GOT1: variants seen among roughly 807,000 people sequenced by gnomAD.
GOT1 encodes the protein glutamic-oxaloacetic transaminase 1.
GOT1 carries 25 observed loss-of-function variants against 48.2 expected under a neutral mutation model. The observed-to-expected ratio is 0.52, with a 90% CI of 0.38 to 0.72. The LOEUF is 0.72. GOT1 is among the 30% of genes least tolerant of loss of function. The pLI is 0.00. For missense variants in GOT1, 380 were observed against 520.1 expected (o/e 0.73, Z 2.62); for synonymous variants, 188 against 193.8 (o/e 0.97, Z 0.25).
In GOT1 at chr10:99,413,336, A is replaced by G. The variant is rs529377588; in HGVS notation, c.301-6487T>C. On this transcript the variant is annotated intron_variant, in intron 2 of 8. Coordinates refer to ENST00000370508, the MANE Select transcript of GOT1 (RefSeq NM_002079.3). ...GATTCGATCAACTGGAAGAAAGGGTATCAGTGATGGAAGATCAAATGAATG... is the reference window on the plus strand; with the variant it reads ...GATTCGATCAACTGGAAGAAAGGGTGTCAGTGATGGAAGATCAAATGAATG... 1.4e-4 allele frequency among the ~76,000 whole-genome samples: 22 copies of G among 152,372 alleles called. No individual in the cohort carries two copies. In the South Asian group the frequency reaches 4.1e-3, roughly 29 times the overall value.
intron 2 of GOT1, among the ~76,000 whole-genome samples, chr10:99,407,238 T>A (rs984759956): frequency 6.6e-6 from 1 of 152,096 alleles, no homozygotes; most frequent in Non-Finnish European, 1.5e-5. Context: ...GGCAAACCCA[T>A]CTCTTCAGCA....
intron 1 of GOT1, among the ~76,000 whole-genome samples, chr10:99,429,981 A>AT (rs2033094511): frequency 6.6e-6 from 1 of 152,304 alleles, no homozygotes; most frequent in South Asian, 2.1e-4. Context: ...ACAAAGCTTA[A>AT]TAAGGTGGCT....
chr10:99,417,304 A>T (rs1356914799), intron 2 of GOT1, among the ~76,000 whole-genome samples: 2 of 152,242 alleles, frequency 1.3e-5, no homozygotes, highest in Non-Finnish European at 2.9e-5. Context: ...GAAGACATTT[A>T]TGCAGCCAAC....
At chr10:99,406,925 A>AGCACTT in intron 2 of GOT1, 76 bp from the exon 3 acceptor site, 5 of 1,395,208 alleles carry the variant, frequency 3.6e-6, no homozygotes, top group Non-Finnish European at 5.1e-6. Context: ...GGTAATAATG[A>AGCACTT]GCACTTACTC....
chr10:99,413,288 C>T (rs1055184683), intron 2 of GOT1, among the ~76,000 whole-genome samples: 3 of 151,996 alleles, frequency 2.0e-5, no homozygotes, highest in Non-Finnish European at 2.9e-5. Flanking sequence ...AACTACATGA[C>T]GAATGCACAA....
chr10:99,403,515 G>C lies in GOT1; in HGVS notation c.913C>G (p.Arg305Gly), dbSNP rs373027330. The part of the protein sequence containing the change: ...TWSNPPAQGA[R>G]IVASTLSNPE... ...TTAGAGAGGGTGCTGGCCACAATTC[G>C]TGCTCCCTGGGCGGGGGGATTGGAC... Residue 305 changes from arginine to glycine, a missense_variant, in exon 7 of 9, where the codon CGA (arginine) becomes GGA (glycine). By Grantham distance (125) the Arg-to-Gly change is moderately radical. Coordinates refer to ENST00000370508, the MANE Select transcript of GOT1 (RefSeq NM_002079.3). 1 of 1,614,046 alleles carries C rather than the reference G, an allele frequency of 6.2e-7. No individual in the cohort carries two copies. The highest frequency in any genetic ancestry group is 1.7e-5 in the Admixed American group (1 of 60,012).
intron 2 of GOT1, among the ~76,000 whole-genome samples, chr10:99,418,059 A>ATATATAT (rs201912833): frequency 4.3e-4 from 63 of 145,182 alleles, no homozygotes; most frequent in African/African-American, 1.7e-3. Flanking sequence ...ATTAAAAAAA[A>ATATATAT]AAATATATAT....
At chr10:99,427,652 A>C (rs1042394546) in intron 1 of GOT1, among the ~76,000 whole-genome samples, 4 of 152,142 alleles carry the variant, frequency 2.6e-5, no homozygotes, top group African/African-American at 9.7e-5. Context: ...AGGGATGTTA[A>C]ACAACCCTTC....
chr10:99,405,826 G>T lies in GOT1; in HGVS notation c.572C>A (p.Ala191Asp). Reference sequence around the variant, plus strand: ...AATCCCAGTTGGGTTGTGTGCACAGGCGTGGAGGACAACAATGGAGAACTC... The same window carrying T: ...AATCCCAGTTGGGTTGTGTGCACAGTCGTGGAGGACAACAATGGAGAACTC... ...APEFSIVVLH[A>D]CAHNPTGIDP... The change falls in exon 5 of 9, where the codon GCC becomes GAC. Residue 191 changes from alanine (A) to aspartate (D), a missense_variant. Coordinates refer to ENST00000370508, the MANE Select transcript of GOT1 (RefSeq NM_002079.3). The T allele has an allele frequency of 6.2e-7, 1 of 1,610,602 alleles. No individual in the cohort carries two copies. The highest frequency in any genetic ancestry group is 8.5e-7 in the Non-Finnish European group (1 of 1,176,736).
chr10:99,424,738 T>C (rs2033015889), intron 1 of GOT1, among the ~76,000 whole-genome samples: 1 of 151,330 alleles, frequency 6.6e-6, no homozygotes, highest in Admixed American at 6.6e-5. Flanking sequence ...ATACTGTGAC[T>C]AAAAAAAAAC....
Position 99,430,442 on chromosome 10 carries a change from C to T in GOT1, c.118+6G>A, listed in dbSNP as rs772753323. 5 of 1,605,276 alleles carry T rather than the reference C, an allele frequency of 3.1e-6. No homozygotes were observed. The highest frequency in any genetic ancestry group is 1.7e-5 in the Admixed American group (1 of 59,310). ...CTGCTCACACTCCAGAGCACTACAT[C>T]CTTACCTCCCACTCCCAGGTTGACC... On this transcript the variant is annotated splice_donor_region_variant and intron_variant, in intron 1 of 8. Coordinates refer to ENST00000370508, the MANE Select transcript of GOT1 (RefSeq NM_002079.3).
intron 8 of GOT1, among the ~76,000 whole-genome samples, chr10:99,401,540 G>A (rs1019393040): frequency 3.3e-5 from 5 of 152,080 alleles, no homozygotes; most frequent in East Asian, 2.0e-4. Flanking sequence ...AAGAAATGAC[G>A]CCTGTAATCT....
intron 2 of GOT1, among the ~76,000 whole-genome samples, chr10:99,414,849 C>A (rs1291982455): frequency 6.6e-6 from 1 of 151,804 alleles, no homozygotes; most frequent in Non-Finnish European, 1.5e-5. Context: ...CTACTGGGTA[C>A]ATAACGAAAT....
At position 99,430,611 on chromosome 10, in the gene GOT1, G is replaced by T. The variant is rs774104270; in HGVS notation, c.-46C>A. Reference sequence around the variant, plus strand: ...GAGATTTCACCCCACGCCCGGAGCTGGCAGGTCAGGTCTGGCCGTTGCGAC... The same window carrying T: ...GAGATTTCACCCCACGCCCGGAGCTTGCAGGTCAGGTCTGGCCGTTGCGAC... On this transcript the variant is annotated 5_prime_UTR_variant, in exon 1 of 9. Coordinates refer to ENST00000370508, the MANE Select transcript of GOT1 (RefSeq NM_002079.3). The T allele has an allele frequency of 1.0e-5, 15 of 1,501,258 alleles. No homozygotes were observed. Among genetic ancestry groups the T allele is most frequent in the Non-Finnish European group, 1.4e-5 (15 of 1,102,020 alleles). The allele number at this position is 1,501,258 out of a possible 1,614,324, so 93.0% of individuals were successfully genotyped here.
Position 99,405,793 on chromosome 10 carries a change from G to A in GOT1, c.605C>T (p.Thr202Ile). The change falls in exon 5 of 9, where the codon ACT becomes ATT. Residue 202 changes from threonine to isoleucine, a missense_variant. Transcript: ENST00000370508. ...AGCAATCTGCTTCCACTGCTCCGGAGTTGGGTCAATCCCAGTTGGGTTGTG... is the reference window on the plus strand; with the variant it reads ...AGCAATCTGCTTCCACTGCTCCGGAATTGGGTCAATCCCAGTTGGGTTGTG... The part of the protein sequence containing the change: ...CAHNPTGIDP[T>I]PEQWKQIASV... 6.2e-7 allele frequency: 1 copy of A among 1,609,530 alleles called. No individual in the cohort carries two copies. Among genetic ancestry groups the A allele is most frequent in the South Asian group, 1.1e-5 (1 of 90,974 alleles).
intron 1 of GOT1, among the ~76,000 whole-genome samples, chr10:99,429,053 C>CTT (rs779414711): frequency 1.0e-4 from 15 of 144,946 alleles, no homozygotes; most frequent in African/African-American, 3.5e-4. Context: ...TTAGTGAAGA[C>CTT]TTTTTTTTTT....
chr10:99,419,364 T>G (rs2032938287), intron 2 of GOT1, among the ~76,000 whole-genome samples: 1 of 152,146 alleles, frequency 6.6e-6, no homozygotes, highest in African/African-American at 2.4e-5. Context: ...TTTTATTGGG[T>G]AACTCCTCTG....
intron 8 of GOT1, among the ~76,000 whole-genome samples, chr10:99,399,625 T>C (rs1409771037): frequency 6.6e-6 from 1 of 151,888 alleles, no homozygotes. Context: ...TCTTAAAAAT[T>C]AGCCGGGCAT....
At position 99,397,793 on chromosome 10, in the gene GOT1, G is replaced by T; in HGVS notation, c.1103-107C>A. Reference sequence around the variant, plus strand: ...CAGCTTTACTTCTTTCCCCTTAACAGAGAGAAGCAAAACAAAAGGCGCTAT... The same window carrying T: ...CAGCTTTACTTCTTTCCCCTTAACATAGAGAAGCAAAACAAAAGGCGCTAT... On this transcript the variant is annotated intron_variant, in intron 8 of 8. Coordinates refer to ENST00000370508, the MANE Select transcript of GOT1 (RefSeq NM_002079.3). The surrounding 1 kb of genome is among the most constrained non-coding windows in gnomAD (Gnocchi z 5.4). The T allele has an allele frequency of 9.2e-7, 1 of 1,085,226 alleles. No individual in the cohort carries two copies. The highest frequency in any genetic ancestry group is 1.3e-6 in the Non-Finnish European group (1 of 743,792). 67.2% of individuals were successfully genotyped at this position (1,085,226 alleles called of 1,614,324 possible).
Sources: gnomAD v4.1 joint callset for allele counts (sites outside exome capture counted in the v4.1 genomes callset) on GRCh38, gnomAD v4.1.1 for gene constraint, Gnocchi (gnomAD v3.1) non-coding constraint, MANE v1.5 for transcripts, NCBI Gene and HGNC (gene_info 2026-07-23, HGNC 2026-07-21) for gene names.